Variants in FRMD6 observed in about 807,000 individuals in gnomAD.
FRMD6 encodes the protein FERM domain containing 6.
In FRMD6, 37 loss-of-function variants were observed where a neutral mutation model predicts 73.2. The observed-to-expected ratio is 0.51, with a 90% CI of 0.39 to 0.66. FRMD6 has a LOEUF of 0.66. Ranked by LOEUF, FRMD6 falls within the 30% of genes least tolerant of loss-of-function variation. The pLI, the probability that FRMD6 is intolerant of heterozygous loss-of-function variation, is 0.00. For missense variants in FRMD6, 714 were observed against 780.5 expected, an observed-to-expected ratio of 0.91 and a Z score of 1.02; for synonymous variants, 273 against 282.2, an observed-to-expected ratio of 0.97 and a Z score of 0.33.
chr14:51,512,684 C>G lies in FRMD6; in HGVS notation c.-210+23264C>G, dbSNP rs140919008. ...GGGACACAGCACAAATCGGTGGGTT[C>G]TAGCAGCTGTGGAGGAGAGATGTTA... On this transcript the variant is annotated intron_variant, in intron 1 of 14. Coordinates refer to the FRMD6 transcript ENST00000356218. Among the ~76,000 whole-genome samples the G allele has an allele frequency of 1.2e-4, 18 of 151,938 alleles. No individual in the cohort carries two copies. The East Asian group carries it at 3.3e-3, about 28-fold the overall frequency.
the FRMD6 span, among the ~76,000 whole-genome samples, chr14:51,419,643 C>G: frequency 6.6e-6 from 1 of 152,046 alleles, no homozygotes; most frequent in South Asian, 2.1e-4. Context: ...GTTTGGGGTC[C>G]CAAGATTTAA....
At chr14:51,545,359 A>G (rs917657649) in intron 1 of FRMD6, among the ~76,000 whole-genome samples, 2 of 152,138 alleles carry the variant, frequency 1.3e-5, no homozygotes, top group African/African-American at 4.8e-5. Context: ...CTGGAGTAGT[A>G]CAAACGGGTT....
At chr14:51,612,803 C>T (rs1040235619) in intron 2 of FRMD6, among the ~76,000 whole-genome samples, 9 of 152,174 alleles carry the variant, frequency 5.9e-5, no homozygotes, top group African/African-American at 1.9e-4. Context: ...AAACCCCTAC[C>T]AGTTCTCAGC....
At chr14:51,448,123 T>C in the FRMD6 span, among the ~76,000 whole-genome samples, 3 of 152,236 alleles carry the variant, frequency 2.0e-5, no homozygotes, top group African/African-American at 7.2e-5. Flanking sequence ...TTGTAGTTAA[T>C]ATATTTGGGA....
At chr14:51,462,775 T>C in the FRMD6 span, among the ~76,000 whole-genome samples, 1 of 145,906 alleles carries the variant, frequency 6.9e-6, no homozygotes, top group Non-Finnish European at 1.5e-5. Flanking sequence ...AGGAAGAAAA[T>C]AAGGGAGGAA....
chr14:51,525,685 A>G (rs144235709), intron 1 of FRMD6, among the ~76,000 whole-genome samples: 1 of 152,044 alleles, frequency 6.6e-6, no homozygotes, highest in East Asian at 1.9e-4. Context: ...CTGCCTCCTC[A>G]TTTTGTGTTA....
the FRMD6 span, chr14:51,436,873 T>G: frequency 1.3e-6 from 1 of 763,524 alleles, no homozygotes; most frequent in Non-Finnish European, 2.1e-6. Context: ...GATTAGAAGG[T>G]ATTGATGAAG....
intron 2 of FRMD6, among the ~76,000 whole-genome samples, chr14:51,580,702 A>G (rs1294769051): frequency 6.6e-6 from 1 of 152,230 alleles, no homozygotes; most frequent in Non-Finnish European, 1.5e-5. Context: ...GGAAAATGAA[A>G]GAATCAGGGG....
At chr14:51,725,714 A>C in intron 12 of FRMD6, 65 bp from the exon 13 acceptor site, 1 of 1,204,484 alleles carries the variant, frequency 8.3e-7, no homozygotes, top group Non-Finnish European at 1.2e-6. Context: ...ATATGTCAGA[A>C]TATATGGCAA....
At chr14:51,564,533 G>C (rs911463379) in intron 1 of FRMD6, among the ~76,000 whole-genome samples, 1 of 152,206 alleles carries the variant, frequency 6.6e-6, no homozygotes, top group Non-Finnish European at 1.5e-5. Flanking sequence ...TCCGGGGTCT[G>C]AGAGAGCTGA....
intron 10 of FRMD6, among the ~76,000 whole-genome samples, chr14:51,717,858 G>T (rs899433314): frequency 1.3e-5 from 2 of 152,114 alleles, no homozygotes; most frequent in Admixed American, 1.3e-4. Context: ...TTTCCATAGG[G>T]TTTAGAAGAG....
At position 51,729,831 on chromosome 14, in the gene FRMD6, T is replaced by C. The variant is rs1898168691; in HGVS notation, c.*1802T>C. On this transcript the variant is annotated 3_prime_UTR_variant, in exon 14 of 14. Transcript: ENST00000344768. Reference sequence around the variant, plus strand: ...ATCACGCTAGGTTCACCTGACACTTTAAAAGGAAAAAAAGTTCCATAGAGT... The same window carrying C: ...ATCACGCTAGGTTCACCTGACACTTCAAAAGGAAAAAAAGTTCCATAGAGT... 6.6e-6 allele frequency: 1 copy of C among 152,628 alleles called. No homozygotes were observed. Among genetic ancestry groups the C allele is most frequent in the Non-Finnish European group, 1.5e-5 (1 of 68,026 alleles). 9.5% of individuals were successfully genotyped at this position (152,628 alleles called of 1,614,324 possible).
At chr14:51,449,138 T>C in the FRMD6 span, among the ~76,000 whole-genome samples, 1 of 152,166 alleles carries the variant, frequency 6.6e-6, no homozygotes, top group Admixed American at 6.5e-5. Flanking sequence ...CAGCTGCTGG[T>C]GGCCACAGTC....
the FRMD6 span, among the ~76,000 whole-genome samples, chr14:51,482,294 C>T: frequency 6.6e-6 from 1 of 151,926 alleles, no homozygotes; most frequent in South Asian, 2.1e-4. Context: ...AGTGCAGGGC[C>T]TCCTGGAGCC....
chr14:51,713,620 C>G (rs1897076320), intron 9 of FRMD6: 1 of 152,096 alleles, frequency 6.6e-6, no homozygotes, highest in Non-Finnish European at 1.5e-5. Context: ...ATATATAGCT[C>G]CATGAGGCTA....
chr14:51,638,777 C>A (rs903350028), intron 2 of FRMD6, among the ~76,000 whole-genome samples: 1 of 152,232 alleles, frequency 6.6e-6, no homozygotes, highest in Admixed American at 6.5e-5. Context: ...AGAGCTTACA[C>A]TGTTGGAATG....
chr14:51,505,193 C>G (rs1446378838), intron 1 of FRMD6, among the ~76,000 whole-genome samples: 1 of 152,148 alleles, frequency 6.6e-6, no homozygotes, highest in Non-Finnish European at 1.5e-5. Context: ...ACTTTTCACA[C>G]TATTTAGGAA....
chr14:51,712,606 TG>T lies in FRMD6; in HGVS notation c.849+58del, dbSNP rs1897005593. 7.3e-6 allele frequency: 8 copies of T among 1,094,236 alleles called. No homozygotes were observed. The Admixed American group carries it at 1.4e-4, about 19-fold the overall frequency. The allele number at this position is 1,094,236 out of a possible 1,614,324, so 67.8% of individuals were successfully genotyped here. ...AAGTCTCATTAATTGCTTACTTTTTTGGGTTTCTGTTATTTTTTGTTTTGTT... is the reference window on the plus strand; with the variant it reads ...AAGTCTCATTAATTGCTTACTTTTTTGGTTTCTGTTATTTTTTGTTTTGTT... On this transcript the variant is annotated intron_variant, in intron 9 of 13. Transcript: ENST00000344768.
chr14:51,446,065 A>T, the FRMD6 span, among the ~76,000 whole-genome samples: 1 of 152,236 alleles, frequency 6.6e-6, no homozygotes, highest in Non-Finnish European at 1.5e-5. Context: ...ATTCAAGCTC[A>T]GGGTGACTGG....
Sources: gnomAD v4.1 joint callset for allele counts (sites outside exome capture counted in the v4.1 genomes callset) on GRCh38, gnomAD v4.1.1 for gene constraint, MANE v1.5 for transcripts, NCBI Gene and HGNC (gene_info 2026-07-23, HGNC 2026-07-21) for gene names.